Variants in ZNF608 observed in about 807,000 individuals in gnomAD.
ZNF608 encodes the protein renal carcinoma antigen NY-REN-36.
A neutral mutation model predicts 109.0 loss-of-function variants in ZNF608; 12 were observed. The observed-to-expected ratio is 0.11, with a 90% CI of 0.07 to 0.18. The LOEUF (loss-of-function observed/expected upper bound fraction) is 0.18. Among genes scored for constraint, ZNF608 ranks in the 10% least tolerant of loss-of-function variants. The pLI is 1.00. For synonymous variants in ZNF608, 732 were observed against 717.4 expected, an observed-to-expected ratio of 1.02 and a Z score of -0.33; for missense variants, 1,707 against 1,879.3, an observed-to-expected ratio of 0.91 and a Z score of 1.70.
At chr5:124,669,343 T>A (rs1751618837) in intron 3 of ZNF608, among the ~76,000 whole-genome samples, 1 of 152,140 alleles carries the variant, frequency 6.6e-6, no homozygotes, top group South Asian at 2.1e-4. Context: ...GGGGGCTGCA[T>A]CCTCAGATGC....
chr5:124,650,301 A>C (rs572541456), intron 3 of ZNF608, among the ~76,000 whole-genome samples: 1 of 152,334 alleles, frequency 6.6e-6, no homozygotes, highest in African/African-American at 2.4e-5. Flanking sequence ...GTGAGACAGT[A>C]ATCAGCCTGG....
At chr5:124,679,117 G>A (rs1752083933) in intron 3 of ZNF608, among the ~76,000 whole-genome samples, 4 of 152,168 alleles carry the variant, frequency 2.6e-5, no homozygotes, top group African/African-American at 9.7e-5. Context: ...TTTCACTCCA[G>A]CATTACAAAC....
At chr5:124,651,526 G>A (rs933412171) in intron 3 of ZNF608, among the ~76,000 whole-genome samples, 1 of 152,204 alleles carries the variant, frequency 6.6e-6, no homozygotes, top group Non-Finnish European at 1.5e-5. Flanking sequence ...GAATCACTGC[G>A]TTCCAGAGTC....
At chr5:124,740,224 T>G (rs1253569457) in intron 2 of ZNF608, among the ~76,000 whole-genome samples, 1 of 152,138 alleles carries the variant, frequency 6.6e-6, no homozygotes, top group African/African-American at 2.4e-5. Context: ...CACAAATACC[T>G]AAGTTCCATG....
Position 124,647,334 on chromosome 5 carries a change from G to A in ZNF608, c.3050C>T (p.Pro1017Leu). The change falls in exon 5 of 10, where the codon CCT (proline) becomes CTT (leucine). Residue 1017 changes from proline (P) to leucine (L), a missense_variant. Pro to Leu is a moderately conservative substitution (Grantham distance 98, BLOSUM62 -3). This residue lies in a region of ZNF608 where 1,073 missense variants were observed against 1,133.5 expected (regional missense o/e 0.95). Transcript: ENST00000513986. Reference protein sequence around the residue: ...SYMHPGQVGAPAAGNSGSTQG... With the variant: ...SYMHPGQVGALAAGNSGSTQG... ...CGTGCTCCCACTATTTCCAGCTGCA[G>A]GGGCACCGACCTGCCCAGGGTGCAT... 6.2e-7 allele frequency: 1 copy of A among 1,614,214 alleles called. No individual in the cohort carries two copies. The highest frequency in any genetic ancestry group is 2.2e-5 in the East Asian group (1 of 44,880).
At chr5:124,645,814 GTACT>G (rs1750471247) in intron 5 of ZNF608, among the ~76,000 whole-genome samples, 1 of 152,016 alleles carries the variant, frequency 6.6e-6, no homozygotes, top group Non-Finnish European at 1.5e-5. Context: ...GAGTTTTGGG[GTACT>G]TAATATAGGG....
intron 9 of ZNF608, 114 bp downstream of exon 9, chr5:124,639,019 A>G: frequency 9.9e-7 from 1 of 1,011,658 alleles, no homozygotes; most frequent in South Asian, 1.5e-5. Context: ...CATTCATTAC[A>G]ATGATATAAA....
At chr5:124,734,914 T>G (rs995049025) in intron 2 of ZNF608, 1 of 152,254 alleles carries the variant, frequency 6.6e-6, no homozygotes, top group African/African-American at 2.4e-5. Context: ...CAAAATTTAT[T>G]TGCATTACTT....
chr5:124,639,173 C>A lies in ZNF608; in HGVS notation c.4492G>T (p.Ala1498Ser). ...AACATTCCAGATGCAGATGCCTGGGCAGCCACCTGCTGAGAGGCAACAAGG... is the reference window on the plus strand; with the variant it reads ...AACATTCCAGATGCAGATGCCTGGGAAGCCACCTGCTGAGAGGCAACAAGG... ...AALVASQQVA[A>S]QASASGMFPG... The change falls in exon 9 of 10, where the codon GCC (alanine) becomes TCC (serine). Residue 1498 changes from alanine to serine, a missense_variant. Around this residue, in one of 7 missense-constraint regions of ZNF608, gnomAD observed 1,073 missense variants for 1,133.5 expected, o/e 0.95. Coordinates refer to ENST00000513986, the MANE Select transcript of ZNF608 (RefSeq NM_020747.3). 6.2e-7 allele frequency: 1 copy of A among 1,614,194 alleles called. No individual in the cohort carries two copies. Among genetic ancestry groups the A allele is most frequent in the Non-Finnish European group, 8.5e-7 (1 of 1,180,014 alleles).
chr5:124,668,561 C>T (rs1751582263), intron 3 of ZNF608, among the ~76,000 whole-genome samples: 1 of 152,138 alleles, frequency 6.6e-6, no homozygotes, highest in Admixed American at 6.6e-5. Context: ...GCCCAAACCA[C>T]ACTTGGATCT....
chr5:124,638,816 G>T, intron 9 of ZNF608: 2 of 1,100,078 alleles, frequency 1.8e-6, no homozygotes, highest in Non-Finnish European at 2.3e-6. Context: ...CTCCATTTGC[G>T]ACTTTATCTT....
rs144152813 is a variant in ZNF608, at chr5:124,744,250, G to T, written c.740C>A (p.Ala247Glu). Reference sequence around the variant, plus strand: ...AGTGCCCCCGCAGTGGAAGGGGCTCGCGCCACCTCCATTGCTCTTGGCCCC... The same window carrying T: ...AGTGCCCCCGCAGTGGAAGGGGCTCTCGCCACCTCCATTGCTCTTGGCCCC... ...GFGAKSNGGG[A>E]SPFHCGGTGS... Residue 247 changes from alanine to glutamate, a missense_variant, in exon 2 of 10, where the codon GCG becomes GAG. This residue lies in a region of ZNF608 where 407 missense variants were observed against 398.7 expected (regional missense o/e 1.02). Transcript: ENST00000513986. The surrounding 1 kb of genome is among the most constrained non-coding windows in gnomAD (Gnocchi z 4.5). 26 of 1,612,996 alleles carry T rather than the reference G, an allele frequency of 1.6e-5. No homozygotes were observed. Among genetic ancestry groups the T allele is most frequent in the Non-Finnish European group, 2.0e-5 (24 of 1,179,772 alleles).
chr5:124,701,543 A>G (rs4340915), intron 2 of ZNF608, among the ~76,000 whole-genome samples: 22,758 of 152,220 alleles, frequency 0.15, 2,157 homozygotes, highest in South Asian at 0.25. Flanking sequence ...TCATTGGACA[A>G]CCGTTAGCCT....
rs1040850651 is a variant in ZNF608, at chr5:124,637,232, C to T, written c.*668G>A. ...TATTCACAGATGCTCATTATTTCCC[C>T]ATTTTAATCTTTACATTATATACAA... is the stretch of plus-strand genomic sequence containing the variant. On this transcript the variant is annotated 3_prime_UTR_variant, in exon 10 of 10. Coordinates refer to ENST00000513986, the MANE Select transcript of ZNF608 (RefSeq NM_020747.3). The T allele has an allele frequency of 6.6e-6, 1 of 152,612 alleles. No individual in the cohort carries two copies. Among genetic ancestry groups the T allele is most frequent in the Non-Finnish European group, 1.5e-5 (1 of 68,044 alleles). The allele number at this position is 152,612 out of a possible 1,614,324, so 9.5% of individuals were successfully genotyped here. A position where few individuals can be genotyped will look rare whatever the true frequency, so the allele number is the denominator to read the frequency against.
intron 3 of ZNF608, among the ~76,000 whole-genome samples, chr5:124,680,127 C>T (rs1448260499): frequency 6.6e-6 from 1 of 151,760 alleles, no homozygotes; most frequent in African/African-American, 2.4e-5. Context: ...CCAAGCATCG[C>T]TGAAGCCACA....
chr5:124,650,966 T>C (rs1030214568), intron 3 of ZNF608, among the ~76,000 whole-genome samples: 2 of 152,234 alleles, frequency 1.3e-5, no homozygotes, highest in African/African-American at 4.8e-5. Context: ...TGGTTGGGAC[T>C]CAAGTAATGG....
intron 2 of ZNF608, among the ~76,000 whole-genome samples, chr5:124,743,188 T>C (rs1332981263): frequency 6.6e-6 from 1 of 152,244 alleles, no homozygotes. Flanking sequence ...CCAAATGGTC[T>C]AAATCAACCA....
intron 2 of ZNF608, among the ~76,000 whole-genome samples, chr5:124,701,536 T>C (rs1174979379): frequency 2.0e-5 from 3 of 152,334 alleles, no homozygotes; most frequent in Non-Finnish European, 4.4e-5. Context: ...AAATTCATCA[T>C]TGGACAACCG....
At chr5:124,732,865 T>C (rs1243122347) in intron 2 of ZNF608, among the ~76,000 whole-genome samples, 4 of 152,164 alleles carry the variant, frequency 2.6e-5, no homozygotes, top group Admixed American at 2.6e-4. Flanking sequence ...GCAAGTCTTC[T>C]AGCCCCTCTC....
Sources: allele counts gnomAD v4.1 joint callset (sites outside exome capture counted in the v4.1 genomes callset), GRCh38; gene constraint gnomAD v4.1.1; regional missense constraint gnomAD v4.1.1; non-coding constraint Gnocchi (gnomAD v3.1); transcripts MANE v1.5; gene names NCBI Gene and HGNC (gene_info 2026-07-23, HGNC 2026-07-21).